The following GNAL variants were observed in gnomAD, a reference collection of about 807,000 sequenced individuals.
GNAL encodes the protein G protein subunit alpha L, also known as guanine nucleotide-binding protein G(olf) subunit alpha.
A neutral mutation model predicts 55.1 loss-of-function variants in GNAL; 18 were observed. The observed-to-expected ratio is 0.33, with a 90% confidence interval of 0.23 to 0.48. The LOEUF (loss-of-function observed/expected upper bound fraction) is 0.48, where lower values mean the gene tolerates loss of function less well. GNAL is among the 20% of genes least tolerant of loss of function. The pLI is 0.99. For missense variants in GNAL, 412 were observed against 614.1 expected (o/e 0.67, Z 3.48); for synonymous variants, 253 against 237.0 (o/e 1.07, Z -0.62).
chr18:11,765,075 G>C (rs1157157036), intron 4 of GNAL, among the ~76,000 whole-genome samples: 3 of 152,130 alleles, frequency 2.0e-5, no homozygotes, highest in Non-Finnish European at 4.4e-5. Flanking sequence ...AGGCTGCTTT[G>C]TCATCATAAA....
At chr18:11,750,007 G>A (rs2032779124) in intron 1 of GNAL, among the ~76,000 whole-genome samples, 2 of 152,154 alleles carry the variant, frequency 1.3e-5, no homozygotes, top group Admixed American at 1.3e-4. Context: ...TGTGCAAGGT[G>A]CACTGAAATG....
rs560801107 is a variant in GNAL at position 11,862,410 on chromosome 18, C to T, written c.738C>T (p.Ile246=). 76 of 1,613,526 alleles carry T rather than the reference C, an allele frequency of 4.7e-5. No homozygotes were observed. The South Asian group carries it at 6.9e-4, about 15-fold the overall frequency. ...IDCAQYFLER[I]DSVSLVDYTP... is the part of the protein sequence containing the mutation. ...TTCTTTGCAGCTTCCTGGAAAGAATCGACAGCGTCAGCTTGGTTGACTACA... is the reference window on the plus strand; with the variant it reads ...TTCTTTGCAGCTTCCTGGAAAGAATTGACAGCGTCAGCTTGGTTGACTACA... Residue 246 remains isoleucine (I), a synonymous_variant, in exon 6 of 12, where the codon ATC becomes ATT. Transcript: ENST00000334049.
chr18:11,839,872 A>G (rs4371220), intron 5 of GNAL, among the ~76,000 whole-genome samples: 8,243 of 152,342 alleles, frequency 0.054, 261 homozygotes, highest in South Asian at 0.098. Flanking sequence ...TGTGTTCACA[A>G]TATCAAGGAA....
intron 4 of GNAL, among the ~76,000 whole-genome samples, chr18:11,776,470 G>A: frequency 6.6e-6 from 1 of 152,118 alleles, no homozygotes; most frequent in Non-Finnish European, 1.5e-5. Flanking sequence ...ATTTTGGGAA[G>A]CCAAGGTGAG....
intron 4 of GNAL, among the ~76,000 whole-genome samples, chr18:11,786,204 A>T (rs2034051369): frequency 6.6e-6 from 1 of 152,120 alleles, no homozygotes; most frequent in Non-Finnish European, 1.5e-5. Flanking sequence ...CATGATTAAT[A>T]GGGTTATATC....
At chr18:11,705,897 A>G (rs2031699169) in intron 1 of GNAL, among the ~76,000 whole-genome samples, 1 of 151,780 alleles carries the variant, frequency 6.6e-6, no homozygotes, top group Admixed American at 6.6e-5. Flanking sequence ...CTGGGATTAC[A>G]GGCTCCTGCC....
chr18:11,826,499 T>G (rs907059396), intron 5 of GNAL, among the ~76,000 whole-genome samples: 4 of 152,190 alleles, frequency 2.6e-5, no homozygotes, highest in Admixed American at 6.5e-5. Flanking sequence ...TGGGTTTTCT[T>G]TCAGCTACAG....
At position 11,776,339 on chromosome 18, in the gene GNAL, T is replaced by C. The variant is rs1337050034; in HGVS notation, c.624+22394T>C. Among the ~76,000 whole-genome samples, 3 of 152,134 alleles carry C rather than the reference T, an allele frequency of 2.0e-5. No individual in the cohort carries two copies. In the East Asian group the frequency reaches 5.8e-4, roughly 29 times the overall value. ...AAGTTTTTTTAATATATAAAGAATA[T>C]GTTAACAAAAAGAGGGTTCACACTT... On this transcript the variant is annotated intron_variant, in intron 4 of 11. Transcript: ENST00000334049.
chr18:11,848,461 C>T (rs1184772696), intron 5 of GNAL, among the ~76,000 whole-genome samples: 22 of 142,860 alleles, frequency 1.5e-4, no homozygotes, highest in Admixed American at 4.9e-4. Flanking sequence ...TTTTTCTTTT[C>T]TTTTTTTTTT....
intron 6 of GNAL, among the ~76,000 whole-genome samples, chr18:11,862,873 C>G (rs994444799): frequency 5.3e-5 from 7 of 131,376 alleles, no homozygotes; most frequent in Admixed American, 2.9e-4. Flanking sequence ...AAAAAAAGCA[C>G]TCCACCATTT....
chr18:11,873,768 C>A (rs900214249), intron 10 of GNAL, among the ~76,000 whole-genome samples: 1 of 152,356 alleles, frequency 6.6e-6, no homozygotes, highest in East Asian at 1.9e-4. Context: ...TGCCAGTTTC[C>A]CAGCAAGCTG....
chr18:11,734,387 C>G (rs1163313338), intron 1 of GNAL, among the ~76,000 whole-genome samples: 18 of 151,942 alleles, frequency 1.2e-4, no homozygotes, highest in Non-Finnish European at 4.4e-5. Context: ...GTGATCCACC[C>G]GCCTTGGCCT....
intron 4 of GNAL, 78 bp downstream of exon 4, chr18:11,754,023 T>TAAGAA: frequency 3.8e-6 from 4 of 1,041,046 alleles, no homozygotes; most frequent in South Asian, 1.3e-5. Flanking sequence ...TGAGAATCAA[T>TAAGAA]ATTGATACTA....
At chr18:11,858,917 A>G (rs2036068117) in intron 5 of GNAL, among the ~76,000 whole-genome samples, 1 of 152,176 alleles carries the variant, frequency 6.6e-6, no homozygotes, top group African/African-American at 2.4e-5. Context: ...TCAGCATCTC[A>G]AAGTCACTGG....
intron 1 of GNAL, among the ~76,000 whole-genome samples, chr18:11,724,151 TG>T (rs1474114256): frequency 1.3e-5 from 2 of 152,300 alleles, no homozygotes; most frequent in East Asian, 3.9e-4. Context: ...TGCCTGAGAC[TG>T]GGAAACTTAT....
chr18:11,794,832 T>TTTTG (rs113337660), intron 4 of GNAL, among the ~76,000 whole-genome samples: 41 of 151,710 alleles, frequency 2.7e-4, no homozygotes, highest in African/African-American at 6.8e-4. Flanking sequence ...GCACTTTGTT[T>TTTTG]TTTGTTTGTT....
At chr18:11,732,034 G>T (rs1425083470) in intron 1 of GNAL, among the ~76,000 whole-genome samples, 1 of 151,932 alleles carries the variant, frequency 6.6e-6, no homozygotes, top group Admixed American at 6.6e-5. Flanking sequence ...TTTTGTGGTT[G>T]AACAATATTC....
At chr18:11,727,923 G>T (rs1451061688) in intron 1 of GNAL, among the ~76,000 whole-genome samples, 1 of 152,186 alleles carries the variant, frequency 6.6e-6, no homozygotes, top group Non-Finnish European at 1.5e-5. Flanking sequence ...GGCAACAGAA[G>T]GCAGTTTTAA....
chr18:11,714,325 G>A (rs1465515836), intron 1 of GNAL, among the ~76,000 whole-genome samples: 1 of 152,052 alleles, frequency 6.6e-6, no homozygotes, highest in African/African-American at 2.4e-5. Flanking sequence ...AGGATTTTAA[G>A]AACTTTAAAA....
Sources: gnomAD v4.1 joint callset for allele counts (sites outside exome capture counted in the v4.1 genomes callset) on GRCh38, gnomAD v4.1.1 for gene constraint, MANE v1.5 for transcripts, NCBI Gene and HGNC (gene_info 2026-07-23, HGNC 2026-07-21) for gene names.